Variants in PRMT7 observed in about 807,000 individuals in gnomAD.
The protein encoded by PRMT7 is protein arginine methyltransferase 7.
In PRMT7, 75 loss-of-function variants were observed where a neutral mutation model predicts 85.4. That is an observed-to-expected ratio of 0.88 (90% CI 0.73 to 1.06). The LOEUF is 1.06. PRMT7 is among the 50% of genes least tolerant of loss of function. The pLI is 0.00. For synonymous variants in PRMT7, 397 were observed against 359.5 expected (o/e 1.10, Z -1.18); for missense variants, 868 against 915.2 (o/e 0.95, Z 0.67).
chr16:68,352,223 GCCCTGCTTCTCGC>G lies in PRMT7; in HGVS notation c.1414-22_1414-10del, dbSNP rs756571021. On this transcript the variant is annotated splice_polypyrimidine_tract_variant and intron_variant, in intron 14 of 18. Transcript: ENST00000441236. ...TGGACCGAGCCCTACTGACACCTGGGCCCTGCTTCTCGCCCATTCACCAGGTCTCTCTCCTCCT... is the reference window on the plus strand; with the variant it reads ...TGGACCGAGCCCTACTGACACCTGGGCCATTCACCAGGTCTCTCTCCTCCT... 32 of 1,609,518 alleles carry G rather than the reference GCCCTGCTTCTCGC, an allele frequency of 2.0e-5. No homozygotes were observed. The highest frequency in any genetic ancestry group is 2.2e-5 in the Non-Finnish European group (26 of 1,178,462).
rs1217281108 is a variant in PRMT7 at position 68,346,143 on chromosome 16, A to G, written c.1056-2A>G. 1.2e-6 allele frequency: 2 copies of G among 1,613,510 alleles called. No homozygotes were observed. Among genetic ancestry groups the G allele is most frequent in the Non-Finnish European group, 1.7e-6 (2 of 1,180,018 alleles). The stretch of plus-strand genomic sequence containing the variant: ...CGTCTGTTTGTTCATCTCCTGGCCT[A>G]GCCCTGAAAAGAATGAGAGAGTCCG... On this transcript the variant is annotated splice_acceptor_variant, in intron 10 of 18. Coordinates refer to ENST00000441236, the MANE Select transcript of PRMT7 (RefSeq NM_019023.5). LOFTEE classifies it high-confidence loss of function.
intron 17 of PRMT7, 143 bp from the exon 18 acceptor site, chr16:68,356,558 T>C (rs2151945517): frequency 3.1e-6 from 2 of 655,104 alleles, no homozygotes; most frequent in Non-Finnish European, 5.4e-6. Flanking sequence ...GGAACGTTTA[T>C]GTAACTGCAG....
Position 68,357,301 on chromosome 16 carries a change from G to T in PRMT7, c.*77G>T, listed in dbSNP as rs1186269545. The T allele has an allele frequency of 4.2e-6, 6 of 1,444,468 alleles. No individual in the cohort carries two copies. The Admixed American group carries it at 1.1e-4, about 26-fold the overall frequency. The allele number at this position is 1,444,468 out of a possible 1,614,324, so 89.5% of individuals were successfully genotyped here. ...GGCTTTCTAGCGGGGAAGGCTGAAG[G>T]CCCTCCTCTCCTCTCTGGGAGCTGC... is the stretch of plus-strand genomic sequence containing the variant. On this transcript the variant is annotated 3_prime_UTR_variant, in exon 19 of 19. Transcript: ENST00000441236.
At position 68,347,676 on chromosome 16, in the gene PRMT7, AAAGT is replaced by A. The variant is rs2086624459; in HGVS notation, c.1323+3_1323+6del. The A allele has an allele frequency of 5.0e-6, 8 of 1,613,846 alleles. No individual in the cohort carries two copies. The highest frequency in any genetic ancestry group is 6.8e-6 in the Non-Finnish European group (8 of 1,179,794). ...AGCAGCTTCTCACAAACTGTTGAGA[AAAGT>A]AAGTGAGAATTGTTGTTGCTGAAAT... On this transcript the variant is annotated splice_donor_variant and coding_sequence_variant, in exon 13 of 19. Transcript: ENST00000441236. LOFTEE classifies it high-confidence loss of function.
At chr16:68,315,343 G>A (rs2044580748) in intron 2 of PRMT7, 2 of 152,646 alleles carry the variant, frequency 1.3e-5, no homozygotes, top group Non-Finnish European at 2.9e-5. Context: ...TCATAGAAAT[G>A]GAATCGTATT....
Position 68,355,827 on chromosome 16 carries a change from C to G in PRMT7, c.1755C>G (p.Phe585Leu). Residue 585 changes from phenylalanine to leucine, a missense_variant, in exon 17 of 19, where the codon TTC becomes TTG. Transcript: ENST00000441236. ...CCTGGCAGATCCTGACCTTTGACTT[C>G]CAGCAGCCGGTGCCCCTGCAGCCCC... ...SEPWQILTFD[F>L]QQPVPLQPLC... The G allele has an allele frequency of 6.2e-7, 1 of 1,610,482 alleles. No homozygotes were observed. The highest frequency in any genetic ancestry group is 8.5e-7 in the Non-Finnish European group (1 of 1,179,380).
chr16:68,324,815 T>G lies in PRMT7; in HGVS notation c.265T>G (p.Phe89Val), dbSNP rs370568571. 2 of 1,614,136 alleles carry G rather than the reference T, an allele frequency of 1.2e-6. No individual in the cohort carries two copies. Among genetic ancestry groups the G allele is most frequent in the Non-Finnish European group, 1.7e-6 (2 of 1,180,034 alleles). Reference protein sequence around the residue: ...SMMAVTAGADFCYAIEVFKPM... With the variant: ...SMMAVTAGADVCYAIEVFKPM... Reference sequence around the variant, plus strand: ...GATGGCGGTCACAGCAGGTGCCGACTTCTGCTATGCCATCGAGGTAAGCCA... The same window carrying G: ...GATGGCGGTCACAGCAGGTGCCGACGTCTGCTATGCCATCGAGGTAAGCCA... The change falls in exon 5 of 19, where the codon TTC becomes GTC. Residue 89 changes from phenylalanine to valine, a missense_variant. Transcript: ENST00000441236.
chr16:68,322,544 T>C, intron 4 of PRMT7: 1 of 271,908 alleles, frequency 3.7e-6, no homozygotes, highest in Non-Finnish European at 7.8e-6. Flanking sequence ...TAGTCTAGGG[T>C]TATGAACATA....
intron 9 of PRMT7, among the ~76,000 whole-genome samples, chr16:68,341,867 G>T (rs1297375553): frequency 6.6e-6 from 1 of 152,252 alleles, no homozygotes; most frequent in Non-Finnish European, 1.5e-5. Context: ...GAAGGTTGCA[G>T]ATCTTGTGAC....
chr16:68,322,816 G>A (rs28570171), intron 4 of PRMT7, among the ~76,000 whole-genome samples: 97,627 of 151,802 alleles, frequency 0.64, 31,949 homozygotes, highest in East Asian at 0.78. Flanking sequence ...GCAGATCACG[G>A]GGTCAGGAGA....
At chr16:68,347,751 T>C in intron 13 of PRMT7, 73 bp downstream of exon 13, 2 of 1,432,264 alleles carry the variant, frequency 1.4e-6, no homozygotes, top group South Asian at 2.3e-5. Context: ...TGAAGTGGCA[T>C]TGGCCCCAGG....
chr16:68,321,691 AT>A (rs796398988), intron 4 of PRMT7: 26 of 457,706 alleles, frequency 5.7e-5, no homozygotes, highest in South Asian at 1.3e-4. Context: ...GTCTATGTTT[AT>A]GGTAATACAA....
Position 68,339,946 on chromosome 16 carries a change from A to G in PRMT7, c.905A>G (p.His302Arg). ...IKCTMAPFWA[H>R]SDPEEMQWRD... Reference sequence around the variant, plus strand: ...TGCACCATGGCCCCCTTCTGGGCACACTCAGACCCAGAGGAGATGCAGGTA... The same window carrying G: ...TGCACCATGGCCCCCTTCTGGGCACGCTCAGACCCAGAGGAGATGCAGGTA... The change falls in exon 9 of 19, where the codon CAC (histidine) becomes CGC (arginine). Residue 302 changes from histidine (H) to arginine (R), a missense_variant. Physicochemically the swap from His to Arg is conservative, Grantham distance 29. Coordinates refer to ENST00000441236, the MANE Select transcript of PRMT7 (RefSeq NM_019023.5). 2 of 1,613,104 alleles carry G rather than the reference A, an allele frequency of 1.2e-6. No individual in the cohort carries two copies. The highest frequency in any genetic ancestry group is 2.2e-5 in the South Asian group (2 of 90,880).
chr16:68,337,643 G>A lies in PRMT7; in HGVS notation c.504+72G>A, dbSNP rs1046589019. 2.9e-5 allele frequency: 29 copies of A among 1,005,730 alleles called. No homozygotes were observed. In the African/African-American group the frequency reaches 3.1e-4, roughly 11 times the overall value. The allele number at this position is 1,005,730 out of a possible 1,614,324, so 62.3% of individuals were successfully genotyped here. A position where few individuals can be genotyped will look rare whatever the true frequency, so the allele number is the denominator to read the frequency against. On this transcript the variant is annotated intron_variant, in intron 7 of 18. Coordinates refer to ENST00000441236, the MANE Select transcript of PRMT7 (RefSeq NM_019023.5). Reference sequence around the variant, plus strand: ...CTCACATAGCACTCACTCATGCACCGTGTCCCACACAGCCCAAGCCCTCAG... The same window carrying A: ...CTCACATAGCACTCACTCATGCACCATGTCCCACACAGCCCAAGCCCTCAG...
At position 68,329,482 on chromosome 16, in the gene PRMT7, C is replaced by T. The variant is rs187767219; in HGVS notation, c.391+308C>T. ...CTTGAGTTTCAACTACCAATAATTA[C>T]GCCTTGGATAAACCTCATTGGCTAC... is the stretch of plus-strand genomic sequence containing the variant. On this transcript the variant is annotated intron_variant, in intron 6 of 18. Coordinates refer to ENST00000441236, the MANE Select transcript of PRMT7 (RefSeq NM_019023.5). 1.6e-3 allele frequency: 363 copies of T among 223,150 alleles called. 2 individuals carry two copies. Among genetic ancestry groups the T allele is most frequent in the Admixed American group, 3.3e-3 (66 of 19,750 alleles). The allele number at this position is 223,150 out of a possible 1,614,324, so 13.8% of individuals were successfully genotyped here. A position where few individuals can be genotyped will look rare whatever the true frequency, so the allele number is the denominator to read the frequency against.
intron 14 of PRMT7, among the ~76,000 whole-genome samples, chr16:68,349,182 C>T (rs900194026): frequency 6.6e-5 from 10 of 152,224 alleles, no homozygotes; most frequent in African/African-American, 2.4e-4. Context: ...CCTTGTGACC[C>T]GGGACTTCTG....
intron 5 of PRMT7, among the ~76,000 whole-genome samples, chr16:68,327,426 G>C (rs1035835149): frequency 1.3e-5 from 2 of 152,116 alleles, no homozygotes; most frequent in Non-Finnish European, 2.9e-5. Context: ...GAAGACTTCT[G>C]GATGGGGGAT....
chr16:68,343,989 G>A (rs947265000), intron 9 of PRMT7, among the ~76,000 whole-genome samples: 2 of 152,186 alleles, frequency 1.3e-5, no homozygotes, highest in Non-Finnish European at 1.5e-5. Context: ...GTTTGTTAGA[G>A]ACAGGGTCTT....
chr16:68,346,056 C>A, intron 10 of PRMT7, 89 bp from the exon 11 acceptor site: 1 of 1,578,804 alleles, frequency 6.3e-7, no homozygotes. Context: ...GCCCTCATGC[C>A]TACTGGAGAC....
Sources: allele counts gnomAD v4.1 joint callset (sites outside exome capture counted in the v4.1 genomes callset), GRCh38; gene constraint gnomAD v4.1.1; transcripts MANE v1.5; gene names NCBI Gene and HGNC (gene_info 2026-07-23, HGNC 2026-07-21).